Variants in HNF1A observed in about 807,000 individuals in gnomAD.
HNF1A encodes hepatocyte nuclear factor 1-alpha.
Under a neutral mutation model 62.2 loss-of-function variants are expected in HNF1A, and 21 were observed. That is an observed-to-expected ratio of 0.34 (90% CI 0.24 to 0.49). The LOEUF (loss-of-function observed/expected upper bound fraction) is 0.49. HNF1A is among the 20% of genes least tolerant of loss of function. HNF1A has a pLI of 0.99. For missense variants in HNF1A, 687 were observed against 832.3 expected, an observed-to-expected ratio of 0.83 and a Z score of 2.15; for synonymous variants, 374 against 366.8, an observed-to-expected ratio of 1.02 and a Z score of -0.22.
At position 120,988,996 on chromosome 12, in the gene HNF1A, A is replaced by G. The variant is rs772597940; in HGVS notation, c.490A>G (p.Thr164Ala). The G allele has an allele frequency of 1.4e-5, 22 of 1,614,070 alleles. No homozygotes were observed. Among genetic ancestry groups the G allele is most frequent in the Non-Finnish European group, 1.8e-5 (21 of 1,180,020 alleles). Residue 164 changes from threonine (T) to alanine (A), a missense_variant, in exon 2 of 10, where the codon ACC becomes GCC. By Grantham distance (58) the Thr-to-Ala change is moderately conservative. Coordinates refer to ENST00000257555, the MANE Select transcript of HNF1A (RefSeq NM_000545.8). ...GACGCAGAAGCGGGCCGCCCTGTAC[A>G]CCTGGTACGTCCGCAAGCAGCGAGA... ...MKTQKRAALYTWYVRKQREVA... is the reference protein window; with the variant it reads ...MKTQKRAALYAWYVRKQREVA...
chr12:120,981,553 T>A (rs746214519), intron 1 of HNF1A, among the ~76,000 whole-genome samples: 7 of 152,186 alleles, frequency 4.6e-5, no homozygotes, highest in Non-Finnish European at 4.4e-5. Flanking sequence ...CTGCAGTCAT[T>A]TTGGCTTTGC....
rs764490320 is a variant in HNF1A at position 120,997,638 on chromosome 12, A to G, written c.1474A>G (p.Thr492Ala). 15 of 1,612,658 alleles carry G rather than the reference A, an allele frequency of 9.3e-6. No homozygotes were observed. In the South Asian group the frequency reaches 1.7e-4, roughly 18 times the overall value. ...TGTGACCCAGAGCCCCTTCATGGCC[A>G]CCATGGCTCAGCTGCAGAGCCCCCA... ...SHVTQSPFMA[T>A]MAQLQSPHAL... Residue 492 changes from threonine (T) to alanine (A), a missense_variant, in exon 7 of 10, where the codon ACC becomes GCC. By Grantham distance (58) the Thr-to-Ala change is moderately conservative. Transcript: ENST00000257555.
Position 121,002,305 on chromosome 12 carries a change from G to A in HNF1A, c.*1113G>A, listed in dbSNP as rs1010132161. 20 of 445,488 alleles carry A rather than the reference G, an allele frequency of 4.5e-5. No individual in the cohort carries two copies. Among genetic ancestry groups the A allele is most frequent in the Non-Finnish European group, 8.1e-5 (19 of 235,020 alleles). 27.6% of individuals were successfully genotyped at this position (445,488 alleles called of 1,614,324 possible). ...TCTGAGGTCCTGAGCACTGCCAGGA[G>A]GGACAAAGGAGCCTGTGAACCCAGG... is the stretch of plus-strand genomic sequence containing the variant. On this transcript the variant is annotated 3_prime_UTR_variant, in exon 10 of 10. Coordinates refer to ENST00000257555, the MANE Select transcript of HNF1A (RefSeq NM_000545.8).
Position 120,994,499 on chromosome 12 carries a change from T to A in HNF1A, c.955+94T>A, listed in dbSNP as rs1169302. ...AGCAGTCACCTAAACCTCTTTGCAC[T>A]TCAGTTTGGTTCCATTCCATTCATG... On this transcript the variant is annotated intron_variant, in intron 4 of 9. Transcript: ENST00000257555. The A allele has an allele frequency of 3.1e-5, 43 of 1,406,320 alleles. No individual in the cohort carries two copies. In the Admixed American group the frequency reaches 3.6e-4, roughly 12 times the overall value. 87.1% of individuals were successfully genotyped at this position (1,406,320 alleles called of 1,614,324 possible).
At chr12:120,979,767 G>A (rs890686410) in intron 1 of HNF1A, 10 of 153,594 alleles carry the variant, frequency 6.5e-5, no homozygotes, top group African/African-American at 2.4e-4. Flanking sequence ...GGTGGGTCCT[G>A]AGCTCGATGC....
chr12:121,000,693 TTCAC>T (rs767016648), intron 9 of HNF1A: 3 of 331,214 alleles, frequency 9.1e-6, no homozygotes, highest in Admixed American at 8.1e-5. Flanking sequence ...GGTAATCTCC[TTCAC>T]TCAAAGCCAA....
intron 7 of HNF1A, among the ~76,000 whole-genome samples, chr12:120,998,664 G>C (rs2135849443): frequency 1.3e-5 from 2 of 152,238 alleles, no homozygotes; most frequent in Middle Eastern, 6.8e-3. Context: ...TAGTGTCTGT[G>C]TGTCTCTTGT....
rs200502496 is a variant in HNF1A, at chr12:120,993,716, C to T, written c.713+10C>T. 11 of 1,613,160 alleles carry T rather than the reference C, an allele frequency of 6.8e-6. No individual in the cohort carries two copies. The highest frequency in any genetic ancestry group is 1.7e-4 in the Middle Eastern group (1 of 6,060). ...TGGAGGAGTGCAATAGGTACAACGG[C>T]GGGCGGGAAACAGTGCTGGTTTGGT... is the stretch of plus-strand genomic sequence containing the variant. On this transcript the variant is annotated intron_variant, in intron 3 of 9. Transcript: ENST00000257555.
rs1294496946 is a variant in HNF1A at position 120,994,197 on chromosome 12, A to G, written c.747A>G (p.Ser249=). The part of the protein sequence containing the change: ...AECIQRGVSP[S]QAQGLGSNLV... ...GCATCCAGAGAGGGGTGTCCCCATC[A>G]CAGGCACAGGGGCTGGGCTCCAACC... Residue 249 remains serine, a synonymous_variant, in exon 4 of 10, where the codon TCA becomes TCG. Transcript: ENST00000257555. 1 of 1,613,614 alleles carries G rather than the reference A, an allele frequency of 6.2e-7. No homozygotes were observed. The highest frequency in any genetic ancestry group is 8.5e-7 in the Non-Finnish European group (1 of 1,179,820).
intron 1 of HNF1A, chr12:120,980,999 T>A (rs573225954): frequency 1.3e-5 from 2 of 152,340 alleles, no homozygotes; most frequent in African/African-American, 4.8e-5. Flanking sequence ...CCATTTAAAT[T>A]TGAGATGTTG....
chr12:120,999,232 G>A (rs369965159), intron 7 of HNF1A, 36 bp from the exon 8 acceptor site: 52 of 1,613,152 alleles, frequency 3.2e-5, no homozygotes, highest in African/African-American at 1.7e-4. Flanking sequence ...TGTCAGGCAC[G>A]TCTGCCACGT....
At chr12:121,000,879 G>A (rs1414906301) in intron 9 of HNF1A, 186 bp from the exon 10 acceptor site, 20 of 752,076 alleles carry the variant, frequency 2.7e-5, no homozygotes, top group South Asian at 4.8e-5. Context: ...ATGGGCGGCC[G>A]TGGACCCTGG....
chr12:120,996,831 T>C lies in HNF1A; in HGVS notation c.1309+89T>C, dbSNP rs1877129942. 2 of 1,552,726 alleles carry C rather than the reference T, an allele frequency of 1.3e-6. No homozygotes were observed. The highest frequency in any genetic ancestry group is 2.7e-5 in the African/African-American group (2 of 73,074). ...GAGCTGGAAGAGCCACTGGGACTCA[T>C]TCATTCATTCATACAACATGTATTT... On this transcript the variant is annotated intron_variant, in intron 6 of 9. Transcript: ENST00000257555. This position sits in a 1 kb window ranked among gnomAD's most constrained non-coding sequence, Gnocchi z 4.5.
chr12:120,996,611 C>A lies in HNF1A; in HGVS notation c.1178C>A (p.Ser393Tyr), dbSNP rs1380266144. 2 of 1,614,094 alleles carry A rather than the reference C, an allele frequency of 1.2e-6. No homozygotes were observed. The highest frequency in any genetic ancestry group is 1.7e-6 in the Non-Finnish European group (2 of 1,180,004). ...LTALHSLEQTSPGLNQQPQNL... is the reference protein window; with the variant it reads ...LTALHSLEQTYPGLNQQPQNL... ...GCACTGCACAGCTTGGAGCAGACAT[C>A]CCCAGGCCTCAACCAGCAGCCCCAG... Residue 393 changes from serine to tyrosine, a missense_variant, in exon 6 of 10, where the codon TCC becomes TAC. Around this residue, in one of 5 missense-constraint regions of HNF1A, gnomAD observed 408 missense variants for 455.3 expected, o/e 0.90. Transcript: ENST00000257555. This position sits in a 1 kb window ranked among gnomAD's most constrained non-coding sequence, Gnocchi z 4.5.
chr12:120,998,591 G>A (rs1038609995), intron 7 of HNF1A, among the ~76,000 whole-genome samples: 1 of 151,958 alleles, frequency 6.6e-6, no homozygotes, highest in Non-Finnish European at 1.5e-5. Context: ...GAGTGTATGC[G>A]TGTGTGTGTG....
intron 1 of HNF1A, among the ~76,000 whole-genome samples, chr12:120,983,777 C>T (rs1876368023): frequency 2.0e-5 from 3 of 152,160 alleles, no homozygotes; most frequent in Middle Eastern, 3.4e-3. Context: ...AACTCCTGAC[C>T]TCATGTGATC....
Position 120,999,633 on chromosome 12 carries a change from A to C in HNF1A, c.1768+6A>C. On this transcript the variant is annotated splice_donor_region_variant and intron_variant, in intron 9 of 9. Transcript: ENST00000257555. ...GCTCAGCGCCAGCCCCACAGGTGAG[A>C]GGCCCTGGCTCCACCCCCTCCCTTA... 4 of 1,607,246 alleles carry C rather than the reference A, an allele frequency of 2.5e-6. No individual in the cohort carries two copies. Among genetic ancestry groups the C allele is most frequent in the Non-Finnish European group, 3.4e-6 (4 of 1,178,426 alleles).
chr12:120,990,671 T>TAGGAAAGGG (rs1288436741), intron 2 of HNF1A, among the ~76,000 whole-genome samples: 1 of 99,116 alleles, frequency 1.0e-5, no homozygotes, highest in African/African-American at 4.6e-5. Flanking sequence ...GGAGGAAAGG[T>TAGGAAAGGG]AGGAAAGGGA....
Position 120,999,322 on chromosome 12 carries a change from C to T in HNF1A, c.1556C>T (p.Pro519Leu), listed in dbSNP as rs749673816. Residue 519 changes from proline to leucine, a missense_variant, in exon 8 of 10, where the codon CCG becomes CTG. By Grantham distance (98) the Pro-to-Leu change is moderately conservative. Transcript: ENST00000257555. ...CAGTACACCCACACGGGCCTGCTCC[C>T]GCAGACTATGCTCATCACCGACACC... ...VAQYTHTGLL[P>L]QTMLITDTTN... is the part of the protein sequence containing the mutation. The T allele has an allele frequency of 1.9e-6, 3 of 1,613,892 alleles. No homozygotes were observed. Among genetic ancestry groups the T allele is most frequent in the Non-Finnish European group, 2.5e-6 (3 of 1,179,986 alleles).
Sources: gnomAD v4.1 joint callset for allele counts (sites outside exome capture counted in the v4.1 genomes callset) on GRCh38, gnomAD v4.1.1 for gene constraint, gnomAD v4.1.1 regional missense constraint, Gnocchi (gnomAD v3.1) non-coding constraint, MANE v1.5 for transcripts, NCBI Gene and HGNC (gene_info 2026-07-23, HGNC 2026-07-21) for gene names.